STXBP4: variants seen among roughly 807,000 people sequenced by gnomAD.
The protein encoded by STXBP4 is syntaxin-binding protein 4.
Under a neutral mutation model 76.1 loss-of-function variants are expected in STXBP4, and 55 were observed. The ratio of observed to expected loss-of-function variants is 0.72; its 90% CI spans 0.58 to 0.91. The LOEUF (loss-of-function observed/expected upper bound fraction) is 0.91. STXBP4 is among the 40% of genes least tolerant of loss of function. The probability of loss-of-function intolerance (pLI) is 0.00; values close to 1 mark genes in which losing one functional copy is unlikely to be tolerated. For synonymous variants in STXBP4, 201 were observed against 220.2 expected (o/e 0.91, Z 0.77); for missense variants, 618 against 636.9 (o/e 0.97, Z 0.32).
intron 17 of STXBP4, among the ~76,000 whole-genome samples, chr17:55,147,479 T>G (rs912853205): frequency 1.3e-5 from 2 of 152,186 alleles, no homozygotes; most frequent in African/African-American, 4.8e-5. Flanking sequence ...GCCCGGGGGT[T>G]GAGGACCCCT....
intron 12 of STXBP4, among the ~76,000 whole-genome samples, chr17:55,060,169 A>T (rs1421307776): frequency 6.6e-6 from 1 of 152,152 alleles, no homozygotes; most frequent in African/African-American, 2.4e-5. Context: ...ATCAACCCTG[A>T]AAGTGTCCAA....
chr17:55,093,031 A>G (rs778337089), intron 16 of STXBP4, among the ~76,000 whole-genome samples: 2 of 151,746 alleles, frequency 1.3e-5, no homozygotes, highest in African/African-American at 2.4e-5. Flanking sequence ...GTCTCTCTCT[A>G]TTGCCCAAGC....
At chr17:55,068,040 A>G (rs2079074700) in intron 12 of STXBP4, among the ~76,000 whole-genome samples, 1 of 152,176 alleles carries the variant, frequency 6.6e-6, no homozygotes, top group African/African-American at 2.4e-5. Flanking sequence ...TCTGCAAAGC[A>G]TTTTGGGATT....
At chr17:55,089,239 G>A (rs772297993) in intron 16 of STXBP4, among the ~76,000 whole-genome samples, 1 of 152,144 alleles carries the variant, frequency 6.6e-6, no homozygotes, top group Non-Finnish European at 1.5e-5. Flanking sequence ...ACTACTGCTG[G>A]TGCCACATTA....
chr17:55,043,186 A>G (rs372954979), intron 10 of STXBP4, 50 bp from the exon 11 acceptor site: 127 of 931,704 alleles, frequency 1.4e-4, no homozygotes, highest in Non-Finnish European at 1.9e-4. Flanking sequence ...GTTACCTCTC[A>G]TAATTAGCAT....
Position 54,980,429 on chromosome 17 carries a change from C to T in STXBP4, c.-156-5185C>T, listed in dbSNP as rs186185402. 6.4e-4 allele frequency among the ~76,000 whole-genome samples: 98 copies of T among 152,218 alleles called. 2 individuals are homozygous for T. The highest frequency in any genetic ancestry group is 4.4e-4 in the Non-Finnish European group (30 of 68,014). On this transcript the variant is annotated intron_variant, in intron 1 of 17. Transcript: ENST00000376352. ...TTTGAACAAAGATTTGGACAAAATG[C>T]ACAAACAAAGCAAGGAAAGAATGAA...
rs1008723901 is a variant in STXBP4 at position 55,161,993 on chromosome 17, T to G, written c.*2082T>G. ...GGGTACATTTTATAAAAAGGCAGAT[T>G]CTAGTTCAGTGTCATAAGGAACTTT... On this transcript the variant is annotated 3_prime_UTR_variant, in exon 18 of 18. Transcript: ENST00000376352. 2.0e-5 allele frequency: 3 copies of G among 152,284 alleles called. No homozygotes were observed. Among genetic ancestry groups the G allele is most frequent in the Middle Eastern group, 3.4e-3 (1 of 294 alleles). The allele number at this position is 152,284 out of a possible 1,614,324, so 9.4% of individuals were successfully genotyped here.
intron 7 of STXBP4, among the ~76,000 whole-genome samples, chr17:55,004,190 A>T (rs2077966724): frequency 6.6e-6 from 1 of 151,648 alleles, no homozygotes; most frequent in Admixed American, 6.6e-5. Context: ...CTCAAAAAAA[A>T]AAAAAGAATT....
chr17:55,186,067 C>T, the STXBP4 span, among the ~76,000 whole-genome samples: 1 of 152,186 alleles, frequency 6.6e-6, no homozygotes, highest in Non-Finnish European at 1.5e-5. Flanking sequence ...ACGCCAACCC[C>T]TTCCATATAT....
At chr17:55,009,205 A>T (rs1299823597) in intron 8 of STXBP4, among the ~76,000 whole-genome samples, 3 of 152,182 alleles carry the variant, frequency 2.0e-5, no homozygotes, top group Admixed American at 2.0e-4. Context: ...TATCTTTTGT[A>T]ACGTGTGTTT....
intron 15 of STXBP4, among the ~76,000 whole-genome samples, chr17:55,079,549 G>A (rs2079230455): frequency 6.7e-6 from 1 of 149,356 alleles, no homozygotes; most frequent in Non-Finnish European, 1.5e-5. Flanking sequence ...CTTGAGCCCA[G>A]GAGTTTGAGA....
intron 10 of STXBP4, among the ~76,000 whole-genome samples, chr17:55,035,016 T>G (rs1358651990): frequency 6.6e-6 from 1 of 152,038 alleles, no homozygotes; most frequent in East Asian, 1.9e-4. Context: ...AAAAAATTCA[T>G]TCATTATGCA....
intron 14 of STXBP4, 59 bp from the exon 15 acceptor site, chr17:55,078,627 G>A: frequency 1.9e-6 from 2 of 1,064,434 alleles, no homozygotes; most frequent in Non-Finnish European, 1.4e-6. Flanking sequence ...ATGAAGAAAA[G>A]ATATTTTTTA....
chr17:55,031,187 T>G lies in STXBP4; in HGVS notation c.686T>G (p.Ile229Ser). ...TTCCAGGCTCTAAATTATCTTGGTA[T>G]TCAGCCCACAAAGGAACAACACCAA... is the stretch of plus-strand genomic sequence containing the variant. ...KLEMALNYLG[I>S]QPTKEQHQAL... Residue 229 changes from isoleucine to serine, a missense_variant, in exon 9 of 18, where the codon ATT (isoleucine) becomes AGT (serine). Ile to Ser is a moderately radical substitution (Grantham distance 142, BLOSUM62 -2). Coordinates refer to ENST00000376352, the MANE Select transcript of STXBP4 (RefSeq NM_178509.6). 6.2e-7 allele frequency: 1 copy of G among 1,613,238 alleles called. No individual in the cohort carries two copies. Among genetic ancestry groups the G allele is most frequent in the Non-Finnish European group, 8.5e-7 (1 of 1,179,376 alleles).
chr17:54,990,777 G>A (rs1474725118), intron 3 of STXBP4, 48 bp from the exon 4 acceptor site: 2 of 1,537,640 alleles, frequency 1.3e-6, no homozygotes, highest in Non-Finnish European at 1.7e-6. Flanking sequence ...AAAAAAATAG[G>A]TGCAGATCTC....
Position 55,172,376 on chromosome 17 carries a change from T to G in STXBP4, c.*12465T>G, listed in dbSNP as rs1332155210. 1 of 152,212 alleles carries G rather than the reference T, an allele frequency of 6.6e-6. No homozygotes were observed. Among genetic ancestry groups the G allele is most frequent in the African/African-American group, 2.4e-5 (1 of 41,464 alleles). 9.4% of individuals were successfully genotyped at this position (152,212 alleles called of 1,614,324 possible). A position where few individuals can be genotyped will look rare whatever the true frequency, so the allele number is the denominator to read the frequency against. On this transcript the variant is annotated 3_prime_UTR_variant, in exon 18 of 18. Coordinates refer to ENST00000376352, the MANE Select transcript of STXBP4 (RefSeq NM_178509.6). ...AGGTGATTTCAATGTGTAGCCAAGG[T>G]TCACTGCCATAGCCTGTCCTGGAAT...
the STXBP4 span, among the ~76,000 whole-genome samples, chr17:55,189,389 T>TAA: frequency 6.6e-6 from 1 of 152,190 alleles, no homozygotes; most frequent in East Asian, 1.9e-4. Context: ...ATAGTTTATC[T>TAA]AAGAGAGAGA....
chr17:55,081,323 C>A, intron 16 of STXBP4, 140 bp downstream of exon 16: 1 of 566,486 alleles, frequency 1.8e-6, no homozygotes, highest in Non-Finnish European at 2.7e-6. Flanking sequence ...ATGTACCAAT[C>A]ATAGGAGGAG....
chr17:55,062,898 T>A (rs1177836537), intron 12 of STXBP4, among the ~76,000 whole-genome samples: 1 of 152,262 alleles, frequency 6.6e-6, no homozygotes, highest in East Asian at 1.9e-4. Flanking sequence ...AAGGCTTTTT[T>A]AAAAGATTTT....
Sources: allele counts gnomAD v4.1 joint callset (sites outside exome capture counted in the v4.1 genomes callset), GRCh38; gene constraint gnomAD v4.1.1; transcripts MANE v1.5; gene names NCBI Gene and HGNC (gene_info 2026-07-23, HGNC 2026-07-21).